The following CDH9 variants were observed in gnomAD, a reference collection of about 807,000 sequenced individuals.
CDH9 encodes cadherin 9, also known as cadherin-9.
CDH9 carries 28 observed loss-of-function variants against 70.9 expected under a neutral mutation model. The ratio of observed to expected loss-of-function variants is 0.40; its 90% CI spans 0.29 to 0.54. The LOEUF is 0.54. Ranked by LOEUF, CDH9 falls within the 20% of genes least tolerant of loss-of-function variation. The pLI is 0.59. For synonymous variants in CDH9, 409 were observed against 343.1 expected (o/e 1.19, Z -2.12); for missense variants, 874 against 984.4 (o/e 0.89, Z 1.50).
chr5:26,973,252 A>G (rs573434073), intron 2 of CDH9, among the ~76,000 whole-genome samples: 2 of 152,216 alleles, frequency 1.3e-5, no homozygotes, highest in South Asian at 4.1e-4. Context: ...TCTAAAATTG[A>G]CTACTGAATG....
rs140692479 is a variant in CDH9 at position 26,881,716 on chromosome 5, T to C, written c.1883-93A>G. 8.9e-4 allele frequency: 1,014 copies of C among 1,139,058 alleles called. 3 individuals carry two copies. The African/African-American group carries it at 0.014, about 16-fold the overall frequency. 70.6% of individuals were successfully genotyped at this position (1,139,058 alleles called of 1,614,324 possible). ...TGTGAAATTCGTTTGGTGCAGGAGA[T>C]ATTAAGATTGATCGAATAAAAAGAA... On this transcript the variant is annotated intron_variant, in intron 11 of 11. Transcript: ENST00000231021.
chr5:26,896,778 C>A (rs1467211583), intron 7 of CDH9, among the ~76,000 whole-genome samples: 2 of 151,692 alleles, frequency 1.3e-5, no homozygotes, highest in African/African-American at 2.4e-5. Context: ...CAAGAGCAAG[C>A]AAATTCAAAA....
At chr5:26,922,915 T>A (rs1359350669) in intron 2 of CDH9, among the ~76,000 whole-genome samples, 2 of 151,070 alleles carry the variant, frequency 1.3e-5, no homozygotes, top group Admixed American at 6.6e-5. Context: ...ATGCAGTTAG[T>A]GTGGAGTGGA....
At chr5:26,998,004 T>A (rs1742696716) in intron 1 of CDH9, among the ~76,000 whole-genome samples, 1 of 152,114 alleles carries the variant, frequency 6.6e-6, no homozygotes, top group South Asian at 2.1e-4. Context: ...GATTGGTTAA[T>A]GTTTTTAAAC....
At chr5:26,958,555 C>G (rs1741983007) in intron 2 of CDH9, among the ~76,000 whole-genome samples, 1 of 151,962 alleles carries the variant, frequency 6.6e-6, no homozygotes, top group Admixed American at 6.6e-5. Context: ...TATAAACAGA[C>G]AAAAAAATTA....
intron 7 of CDH9, among the ~76,000 whole-genome samples, chr5:26,893,934 T>C (rs576987285): frequency 1.5e-4 from 23 of 152,316 alleles, no homozygotes; most frequent in African/African-American, 7.2e-5. Flanking sequence ...GTGGGCTTTA[T>C]TGATGTTGGG....
At chr5:26,993,290 T>C (rs556282392) in intron 1 of CDH9, among the ~76,000 whole-genome samples, 1 of 152,268 alleles carries the variant, frequency 6.6e-6, no homozygotes, top group African/African-American at 2.4e-5. Flanking sequence ...GTTCCAGTGT[T>C]TTACAGAATG....
At chr5:26,959,749 C>A (rs1349490194) in intron 2 of CDH9, among the ~76,000 whole-genome samples, 1 of 151,878 alleles carries the variant, frequency 6.6e-6, no homozygotes, top group East Asian at 1.9e-4. Flanking sequence ...AAGCCAGTAG[C>A]AAAAGGTCAC....
In CDH9 at chr5:26,885,626, G is replaced by A. The variant is rs1372440494; in HGVS notation, c.1870C>T (p.Leu624Phe). Residue 624 changes from leucine (L) to phenylalanine (F), a missense_variant, in exon 11 of 12, where the codon CTC (leucine) becomes TTC (phenylalanine). Physicochemically the swap from Leu to Phe is conservative, Grantham distance 22. Coordinates refer to ENST00000231021, the MANE Select transcript of CDH9 (RefSeq NM_016279.4). ...GALVAILLCV[L>F]ILLILVVLFA... Reference sequence around the variant, plus strand: ...GGGCAGAGCTTACTAAGCAGTATGAGGACACAGAGTAGAATCGCAACGAGA... The same window carrying A: ...GGGCAGAGCTTACTAAGCAGTATGAAGACACAGAGTAGAATCGCAACGAGA... 1.2e-6 allele frequency: 2 copies of A among 1,612,918 alleles called. No individual in the cohort carries two copies. The highest frequency in any genetic ancestry group is 1.1e-5 in the South Asian group (1 of 91,036).
intron 2 of CDH9, among the ~76,000 whole-genome samples, chr5:26,962,708 G>A (rs1291071008): frequency 6.6e-6 from 1 of 152,068 alleles, no homozygotes; most frequent in Non-Finnish European, 1.5e-5. Context: ...ACAGAAAGAG[G>A]TGACAGTCTT....
intron 2 of CDH9, among the ~76,000 whole-genome samples, chr5:26,947,256 C>T (rs1367309153): frequency 6.6e-6 from 1 of 152,072 alleles, no homozygotes; most frequent in Non-Finnish European, 1.5e-5. Flanking sequence ...TACACAAATT[C>T]CCTTTTAAAC....
intron 1 of CDH9, among the ~76,000 whole-genome samples, chr5:27,006,298 A>G (rs1237507813): frequency 1.3e-5 from 2 of 152,118 alleles, no homozygotes; most frequent in Non-Finnish European, 2.9e-5. Flanking sequence ...TGTATGATTC[A>G]TTTTCAGGTC....
Position 26,889,739 on chromosome 5 carries a change from C to T in CDH9, c.1512+97G>A, listed in dbSNP as rs766649727. On this transcript the variant is annotated intron_variant, in intron 9 of 11. Transcript: ENST00000231021. Reference sequence around the variant, plus strand: ...GGTGGACAAGAAGTATTGACAACAGCCTGCACAAAAGAAATCCTGCAAATA... The same window carrying T: ...GGTGGACAAGAAGTATTGACAACAGTCTGCACAAAAGAAATCCTGCAAATA... The T allele has an allele frequency of 1.8e-5, 12 of 678,670 alleles. 1 individual carries two copies. The highest frequency in any genetic ancestry group is 8.3e-5 in the South Asian group (4 of 47,934). The allele number at this position is 678,670 out of a possible 1,614,324, so 42.0% of individuals were successfully genotyped here.
chr5:26,992,609 T>A (rs1260054684), intron 1 of CDH9, among the ~76,000 whole-genome samples: 1 of 152,152 alleles, frequency 6.6e-6, no homozygotes, highest in Non-Finnish European at 1.5e-5. Context: ...CAGAAGTGGG[T>A]TGCTACTATA....
chr5:26,974,131 C>G (rs1209286670), intron 2 of CDH9, among the ~76,000 whole-genome samples: 1 of 152,096 alleles, frequency 6.6e-6, no homozygotes, highest in Non-Finnish European at 1.5e-5. Flanking sequence ...GTATTCCCAG[C>G]TACTCAGGAG....
At chr5:27,007,714 TA>T (rs1450690238) in intron 1 of CDH9, among the ~76,000 whole-genome samples, 34 of 152,180 alleles carry the variant, frequency 2.2e-4, no homozygotes, top group African/African-American at 7.9e-4. Context: ...ATTAATTCAA[TA>T]AATAACAAAA....
chr5:26,892,721 G>A (rs567837110), intron 7 of CDH9, among the ~76,000 whole-genome samples: 150 of 151,564 alleles, frequency 9.9e-4, no homozygotes, highest in East Asian at 7.8e-4. Flanking sequence ...TTTTTTTGTT[G>A]TTGTTGTTGT....
intron 2 of CDH9, among the ~76,000 whole-genome samples, chr5:26,975,405 C>T (rs1301450947): frequency 6.6e-6 from 1 of 152,160 alleles, no homozygotes; most frequent in Non-Finnish European, 1.5e-5. Context: ...GAGAATGAGT[C>T]ATACCATCAC....
chr5:26,915,841 A>G lies in CDH9; in HGVS notation c.312T>C (p.Asp104=), dbSNP rs955542074. Residue 104 remains aspartate, a synonymous_variant, in exon 3 of 12, where the codon GAT becomes GAC. Transcript: ENST00000231021. ...CAGCATGAATGTCTCCTGTATTTTC[A>G]TCTATAACAAATAGACTGCCAGCCC... ...GDGAGSLFVI[D]ENTGDIHAAK... 2.5e-6 allele frequency: 4 copies of G among 1,612,656 alleles called. No individual in the cohort carries two copies. The highest frequency in any genetic ancestry group is 2.7e-5 in the African/African-American group (2 of 74,996).
Sources: gnomAD v4.1 joint callset for allele counts (sites outside exome capture counted in the v4.1 genomes callset) on GRCh38, gnomAD v4.1.1 for gene constraint, MANE v1.5 for transcripts, NCBI Gene and HGNC (gene_info 2026-07-23, HGNC 2026-07-21) for gene names.